EPC2: variants seen among roughly 807,000 people sequenced by gnomAD.
The protein encoded by EPC2 is enhancer of polycomb homolog 2.
A neutral mutation model predicts 92.1 loss-of-function variants in EPC2; 14 were observed. The ratio of observed to expected loss-of-function variants is 0.15; its 90% CI spans 0.10 to 0.24. The LOEUF is 0.24. Among genes scored for constraint, EPC2 ranks in the 10% least tolerant of loss-of-function variants. The probability of loss-of-function intolerance (pLI) is 1.00; values close to 1 mark genes in which losing one functional copy is unlikely to be tolerated. For synonymous variants in EPC2, 340 were observed against 334.7 expected, an observed-to-expected ratio of 1.02 and a Z score of -0.17; for missense variants, 755 against 971.5, an observed-to-expected ratio of 0.78 and a Z score of 2.96.
chr2:148,686,630 T>G (rs1681531796), intron 1 of EPC2, among the ~76,000 whole-genome samples: 1 of 152,246 alleles, frequency 6.6e-6, no homozygotes, highest in South Asian at 2.1e-4. Context: ...AACTTGAAAG[T>G]CAAAATTACT....
chr2:148,680,409 A>G (rs1048915031), intron 1 of EPC2, among the ~76,000 whole-genome samples: 6 of 152,208 alleles, frequency 3.9e-5, no homozygotes, highest in African/African-American at 1.4e-4. Context: ...CCGGTGTTTA[A>G]TAGGTGTTCT....
rs34269450 is a variant in EPC2, at chr2:148,744,989, G to GCCCCCCCCCCCCC, written c.459+1234_459+1235insCCCCCCCCCCCCC. On this transcript the variant is annotated intron_variant, in intron 3 of 13. Transcript: ENST00000258484. ...TGCTGCATATTTAGCCTATCAGTTTGCCCCCCCCCCCCGCACCATTTTGAT... is the reference window on the plus strand; with the variant it reads ...TGCTGCATATTTAGCCTATCAGTTTGCCCCCCCCCCCCCCCCCCCCCCCCCGCACCATTTTGAT... 5.6e-4 allele frequency among the ~76,000 whole-genome samples: 26 copies of GCCCCCCCCCCCCC among 46,296 alleles called. 2 individuals carry two copies. The highest frequency in any genetic ancestry group is 1.0e-3 in the Non-Finnish European group (21 of 20,268). 30.4% of individuals were successfully genotyped at this position (46,296 alleles called of 152,430 possible).
At chr2:148,709,687 T>A (rs985485155) in intron 2 of EPC2, among the ~76,000 whole-genome samples, 5 of 152,014 alleles carry the variant, frequency 3.3e-5, no homozygotes, top group African/African-American at 1.2e-4. Context: ...TCAGAAATAA[T>A]GCCACATATC....
chr2:148,755,700 CTG>C (rs1683177093), intron 4 of EPC2, among the ~76,000 whole-genome samples: 2 of 152,222 alleles, frequency 1.3e-5, no homozygotes, highest in South Asian at 4.1e-4. Flanking sequence ...TGTAAGTACA[CTG>C]TGACATTTGT....
At position 148,765,121 on chromosome 2, in the gene EPC2, G is replaced by T; in HGVS notation, c.1115G>T (p.Ser372Ile). Residue 372 changes from serine to isoleucine, a missense_variant, in exon 7 of 14, where the codon AGC becomes ATC. This residue lies in a region of EPC2 where 509 missense variants were observed against 607.7 expected (regional missense o/e 0.84). Coordinates refer to ENST00000258484, the MANE Select transcript of EPC2 (RefSeq NM_015630.4). ...KSDIKQYDFH[S>I]SDEDEFPQVL... ...GACATTAAGCAATATGATTTTCACAGCTCAGATGAAGATGAATTTCCACAG... is the reference window on the plus strand; with the variant it reads ...GACATTAAGCAATATGATTTTCACATCTCAGATGAAGATGAATTTCCACAG... The T allele has an allele frequency of 1.3e-6, 2 of 1,568,140 alleles. No homozygotes were observed. Among genetic ancestry groups the T allele is most frequent in the Non-Finnish European group, 1.7e-6 (2 of 1,158,908 alleles).
At chr2:148,691,617 C>T in intron 2 of EPC2, 1 of 1,550,014 alleles carries the variant, frequency 6.5e-7, no homozygotes, top group Non-Finnish European at 8.7e-7. Context: ...TTTGTTTCTG[C>T]CAGGCATTTG....
Position 148,785,009 on chromosome 2 carries a change from T to C in EPC2, c.2351+8T>C, listed in dbSNP as rs370082139. On this transcript the variant is annotated splice_region_variant and intron_variant, in intron 13 of 13. Coordinates refer to ENST00000258484, the MANE Select transcript of EPC2 (RefSeq NM_015630.4). ...CATCAGCAGCATAGCAAGGTGTGTGTGTGTGTTTCAGTGATTTTTCTCCCT... is the reference window on the plus strand; with the variant it reads ...CATCAGCAGCATAGCAAGGTGTGTGCGTGTGTTTCAGTGATTTTTCTCCCT... The C allele has an allele frequency of 1.3e-6, 2 of 1,485,068 alleles. No homozygotes were observed. The highest frequency in any genetic ancestry group is 1.4e-5 in the South Asian group (1 of 69,798). The allele number at this position is 1,485,068 out of a possible 1,614,324, so 92.0% of individuals were successfully genotyped here.
chr2:148,742,217 A>G (rs1038056380), intron 2 of EPC2, among the ~76,000 whole-genome samples: 2 of 152,168 alleles, frequency 1.3e-5, no homozygotes, highest in African/African-American at 4.8e-5. Context: ...GTATGTTTAT[A>G]TGTAAGATGA....
intron 2 of EPC2, among the ~76,000 whole-genome samples, chr2:148,734,243 CTT>C (rs1224520972): frequency 2.0e-5 from 3 of 151,732 alleles, no homozygotes; most frequent in Non-Finnish European, 4.4e-5. Flanking sequence ...GCCCTAGTGA[CTT>C]TAAGTTTTAT....
rs1032415656 is a variant in EPC2 at position 148,769,181 on chromosome 2, G to A, written c.1171G>A (p.Glu391Lys). ...GTCCCCAGTATCAGAACCGGAAGAA[G>A]AAAATGATCCTGATGGTCCCTGTGC... is the stretch of plus-strand genomic sequence containing the variant. ...VLSPVSEPEE[E>K]NDPDGPCAFR... Residue 391 changes from glutamate to lysine, a missense_variant, in exon 8 of 14, where the codon GAA becomes AAA. Physicochemically the swap from Glu to Lys is moderately conservative, Grantham distance 56. Coordinates refer to ENST00000258484, the MANE Select transcript of EPC2 (RefSeq NM_015630.4). The A allele has an allele frequency of 6.2e-7, 1 of 1,612,744 alleles. No homozygotes were observed. Among genetic ancestry groups the A allele is most frequent in the Non-Finnish European group, 8.5e-7 (1 of 1,179,448 alleles).
At chr2:148,737,883 C>T (rs1294157091) in intron 2 of EPC2, among the ~76,000 whole-genome samples, 1 of 151,970 alleles carries the variant, frequency 6.6e-6, no homozygotes, top group East Asian at 1.9e-4. Flanking sequence ...GAGCCACATT[C>T]AAAGCTGTCC....
At chr2:148,741,325 A>G (rs1281708592) in intron 2 of EPC2, among the ~76,000 whole-genome samples, 4 of 152,192 alleles carry the variant, frequency 2.6e-5, no homozygotes, top group African/African-American at 9.6e-5. Context: ...ATAGTACTAT[A>G]TAAGTTTATA....
At chr2:148,768,878 A>G (rs985209797) in intron 7 of EPC2, among the ~76,000 whole-genome samples, 5 of 152,236 alleles carry the variant, frequency 3.3e-5, no homozygotes, top group African/African-American at 1.2e-4. Context: ...TAAAAACTGT[A>G]TTAATTCTAA....
intron 2 of EPC2, 144 bp downstream of exon 2, chr2:148,690,517 C>T (rs1210892456): frequency 2.6e-6 from 2 of 757,312 alleles, no homozygotes; most frequent in African/African-American, 3.6e-5. Flanking sequence ...AATAAAATCC[C>T]TCTGTGCTTA....
chr2:148,667,683 C>G (rs917731592), intron 1 of EPC2, among the ~76,000 whole-genome samples: 8 of 152,110 alleles, frequency 5.3e-5, no homozygotes, highest in Admixed American at 4.6e-4. Context: ...AACTCCAGTA[C>G]AATATTGAAT....
At chr2:148,723,367 GGCTTCCCAGTGACTGA>G (rs1017353063) in intron 2 of EPC2, among the ~76,000 whole-genome samples, 6 of 152,108 alleles carry the variant, frequency 3.9e-5, no homozygotes, top group African/African-American at 1.4e-4. Context: ...AAGGTGTAAG[GGCTTCCCAGTGACTGA>G]GATGCCTGGA....
rs1440661253 is a variant in EPC2, at chr2:148,771,114, A to G, written c.1447A>G (p.Ser483Gly). ...ACAGATAGACCCTGAAATGCTGAAT[A>G]GTTTTTCAAGCTCTTCCCAAACTAT... ...LKQIDPEMLN[S>G]FSSSSQTIDF... The change falls in exon 10 of 14, where the codon AGT becomes GGT. Residue 483 changes from serine to glycine, a missense_variant. By Grantham distance (56) the Ser-to-Gly change is moderately conservative. This residue lies in a region of EPC2 where 509 missense variants were observed against 607.7 expected (regional missense o/e 0.84). Coordinates refer to ENST00000258484, the MANE Select transcript of EPC2 (RefSeq NM_015630.4). 1.2e-6 allele frequency: 2 copies of G among 1,613,642 alleles called. No individual in the cohort carries two copies. The highest frequency in any genetic ancestry group is 2.7e-5 in the African/African-American group (2 of 74,946).
chr2:148,658,684 C>G (rs1356925873), intron 1 of EPC2, among the ~76,000 whole-genome samples: 1 of 150,444 alleles, frequency 6.6e-6, no homozygotes, highest in Non-Finnish European at 1.5e-5. Context: ...TGGTCATGAG[C>G]TACTAGATTG....
chr2:148,727,525 A>G (rs1438971491), intron 2 of EPC2, among the ~76,000 whole-genome samples: 2 of 152,186 alleles, frequency 1.3e-5, no homozygotes, highest in Non-Finnish European at 2.9e-5. Flanking sequence ...TTCACTTTCT[A>G]TGACATATTT....
Sources: gnomAD v4.1 joint callset for allele counts (sites outside exome capture counted in the v4.1 genomes callset) on GRCh38, gnomAD v4.1.1 for gene constraint, gnomAD v4.1.1 regional missense constraint, MANE v1.5 for transcripts, NCBI Gene and HGNC (gene_info 2026-07-23, HGNC 2026-07-21) for gene names.